The following LANCL3 variants were observed in gnomAD, a reference collection of about 807,000 sequenced individuals.
LANCL3 encodes the protein lanC-like protein 3.
A neutral mutation model predicts 26.5 loss-of-function variants in LANCL3; 19 were observed. The ratio of observed to expected loss-of-function variants is 0.72; its 90% confidence interval spans 0.50 to 1.05. The LOEUF (loss-of-function observed/expected upper bound fraction) is 1.05. Ranked by LOEUF, LANCL3 falls within the 50% of genes least tolerant of loss-of-function variation. The pLI, the probability that LANCL3 is intolerant of heterozygous loss-of-function variation, is 0.00. For missense variants in LANCL3, 318 were observed against 362.7 expected, an observed-to-expected ratio of 0.88 and a Z score of 1.00; for synonymous variants, 160 against 166.6, an observed-to-expected ratio of 0.96 and a Z score of 0.30.
At chrX:37,619,406 G>A (rs1925094227) in intron 1 of LANCL3, among the ~76,000 whole-genome samples, 1 of 111,221 alleles carries the variant, frequency 9.0e-6, no homozygotes, top group South Asian at 3.8e-4. Context: ...ACTTAGAGTT[G>A]TAACCAGAAT....
At chrX:37,590,742 A>G (rs1322330001) in intron 1 of LANCL3, among the ~76,000 whole-genome samples, 1 of 111,541 alleles carries the variant, frequency 9.0e-6, no homozygotes, top group Admixed American at 9.5e-5. Context: ...TTTAATCTCC[A>G]TGTGGGTCTG....
At chrX:37,608,947 C>T (rs1556420814) in intron 1 of LANCL3, among the ~76,000 whole-genome samples, 1 of 112,033 alleles carries the variant, frequency 8.9e-6, no homozygotes, top group Admixed American at 9.5e-5. Context: ...TTTAAGTTTT[C>T]CTTGGTGCTA....
At chrX:37,631,184 G>T (rs1556424214) in intron 1 of LANCL3, among the ~76,000 whole-genome samples, 1 of 111,824 alleles carries the variant, frequency 8.9e-6, no homozygotes, top group African/African-American at 3.3e-5. Context: ...TGTTGGGAGG[G>T]TGTATGTGTC....
At chrX:37,603,289 A>G (rs1924620831) in intron 1 of LANCL3, among the ~76,000 whole-genome samples, 2 of 112,239 alleles carry the variant, frequency 1.8e-5, no homozygotes, top group Non-Finnish European at 3.8e-5. Context: ...CATGCCTCAG[A>G]GTGAATGAGC....
chrX:37,653,961 A>G (rs1314672126), intron 1 of LANCL3, among the ~76,000 whole-genome samples: 2 of 111,389 alleles, frequency 1.8e-5, no homozygotes, highest in Admixed American at 9.5e-5. Flanking sequence ...AGCCGAGTCC[A>G]TCTTACCTAC....
chrX:37,654,479 G>A (rs970879657), intron 1 of LANCL3, among the ~76,000 whole-genome samples: 2 of 112,146 alleles, frequency 1.8e-5, no homozygotes, highest in African/African-American at 6.5e-5. Context: ...AATCTGACCA[G>A]TACGTTTCCT....
intron 1 of LANCL3, among the ~76,000 whole-genome samples, chrX:37,635,238 AG>A (rs1556425224): frequency 8.9e-6 from 1 of 112,294 alleles, no homozygotes; most frequent in African/African-American, 3.2e-5. Context: ...ACTTGCCCAA[AG>A]ATAATGAATA....
chrX:37,666,640 T>C (rs1312126822), intron 3 of LANCL3, among the ~76,000 whole-genome samples: 4 of 112,016 alleles, frequency 3.6e-5, no homozygotes, highest in Non-Finnish European at 7.5e-5. Context: ...CTCTTGTTTC[T>C]CTTGTAACTG....
At chrX:37,581,930 C>A (rs1213038158) in intron 1 of LANCL3, among the ~76,000 whole-genome samples, 13 of 110,116 alleles carry the variant, frequency 1.2e-4, no homozygotes, top group African/African-American at 3.7e-4. Context: ...ATCCCTCCCC[C>A]GTCCCCACAT....
chrX:37,667,301 C>T lies in LANCL3; in HGVS notation c.915C>T (p.Ala305=). Residue 305 remains alanine (A), a synonymous_variant, in exon 4 of 5, where the codon GCC becomes GCT. Coordinates refer to ENST00000378619, the MANE Select transcript of LANCL3 (RefSeq NM_001170331.2). ...TCACAGGAATTGCCTATCTGTTTGC[C>T]AAAGCTTATCTGGTTTCCAAGAAAC... ...HGAPGIAYLF[A]KAYLVSKKPQ... is the part of the protein sequence containing the mutation. The T allele has an allele frequency of 8.9e-7, 1 of 1,124,739 alleles. No homozygotes were observed. The highest frequency in any genetic ancestry group is 1.2e-6 in the Non-Finnish European group (1 of 853,179). 92.7% of individuals were successfully genotyped at this position (1,124,739 alleles called of 1,213,427 possible).
chrX:37,639,928 T>G (rs1925820739), intron 1 of LANCL3, among the ~76,000 whole-genome samples: 1 of 112,077 alleles, frequency 8.9e-6, no homozygotes, highest in Non-Finnish European at 1.9e-5. Context: ...TTTTGGCGAT[T>G]GCCTTCAGTT....
intron 1 of LANCL3, among the ~76,000 whole-genome samples, chrX:37,596,383 T>C (rs1232431715): frequency 8.9e-6 from 1 of 112,333 alleles, no homozygotes; most frequent in African/African-American, 3.2e-5. Flanking sequence ...CAAATGGCTT[T>C]TAACATTTTG....
intron 1 of LANCL3, among the ~76,000 whole-genome samples, chrX:37,650,380 A>G (rs1204111132): frequency 3.0e-5 from 3 of 99,906 alleles, no homozygotes; most frequent in Non-Finnish European, 6.0e-5. Flanking sequence ...ATCATGCACC[A>G]TAGATGCAGG....
chrX:37,647,296 A>T (rs185829306), intron 1 of LANCL3, among the ~76,000 whole-genome samples: 3 of 102,869 alleles, frequency 2.9e-5, no homozygotes, highest in East Asian at 5.8e-4. Context: ...CCTGGGCGAC[A>T]GGGCAAGACT....
chrX:37,631,193 T>G (rs1466222933), intron 1 of LANCL3, among the ~76,000 whole-genome samples: 1 of 112,053 alleles, frequency 8.9e-6, no homozygotes, highest in Non-Finnish European at 1.9e-5. Context: ...GGTGTATGTG[T>G]CGAGAAATTT....
At chrX:37,596,889 T>C (rs1314548853) in intron 1 of LANCL3, among the ~76,000 whole-genome samples, 1 of 112,017 alleles carries the variant, frequency 8.9e-6, no homozygotes, top group South Asian at 3.7e-4. Context: ...TTTAATATGT[T>C]CATGGGGTTG....
In LANCL3 at chrX:37,636,563, G is replaced by A. The variant is rs201999722; in HGVS notation, c.574-19125G>A. ...GTCAGCTAGAAATTTGAATTTCTTC[G>A]CTTATTATATGGGTAAGTACAGTCT... On this transcript the variant is annotated intron_variant, in intron 1 of 4. Transcript: ENST00000378619. Among the ~76,000 whole-genome samples, 14 of 112,351 alleles carry A rather than the reference G, an allele frequency of 1.2e-4. No homozygotes were observed. The East Asian group carries it at 2.5e-3, about 20-fold the overall frequency.
intron 1 of LANCL3, among the ~76,000 whole-genome samples, chrX:37,649,309 A>G (rs782535745): frequency 2.1e-4 from 23 of 112,024 alleles, no homozygotes; most frequent in Non-Finnish European, 3.4e-4. Context: ...TTGCAGGGAC[A>G]TGAATGAAGC....
chrX:37,625,797 G>A (rs1463094836), intron 1 of LANCL3, among the ~76,000 whole-genome samples: 2 of 111,123 alleles, frequency 1.8e-5, no homozygotes, highest in Non-Finnish European at 3.8e-5. Context: ...ATGTACAGAG[G>A]TGTTGTACTA....
Sources: gnomAD v4.1 joint callset for allele counts (sites outside exome capture counted in the v4.1 genomes callset) on GRCh38, gnomAD v4.1.1 for gene constraint, MANE v1.5 for transcripts, NCBI Gene and HGNC (gene_info 2026-07-23, HGNC 2026-07-21) for gene names.